The following SRGAP2 variants were observed in gnomAD, a reference collection of about 807,000 sequenced individuals.
The protein encoded by SRGAP2 is SLIT-ROBO Rho GTPase activating protein 2.
In SRGAP2, 15 loss-of-function variants were observed where a neutral mutation model predicts 57.2. The observed-to-expected ratio is 0.26, with a 90% CI of 0.18 to 0.40. The LOEUF (loss-of-function observed/expected upper bound fraction) is 0.40. Among genes scored for constraint, SRGAP2 ranks in the 10% least tolerant of loss-of-function variants. The pLI, the probability that SRGAP2 is intolerant of heterozygous loss-of-function variation, is 1.00. For synonymous variants in SRGAP2, 249 were observed against 248.0 expected, an observed-to-expected ratio of 1.00 and a Z score of -0.04; for missense variants, 520 against 669.6, an observed-to-expected ratio of 0.78 and a Z score of 2.47.
chr1:206,279,540 C>T (rs1210065563), intron 2 of SRGAP2, among the ~76,000 whole-genome samples: 1 of 114,028 alleles, frequency 8.8e-6, no homozygotes, highest in Non-Finnish European at 1.7e-5. Context: ...CTCAGCCTCC[C>T]AAGTAGCTGG....
In SRGAP2 at chr1:206,432,792, C is replaced by G. The variant is rs59780171; in HGVS notation, c.1555+2570C>G. Reference sequence around the variant, plus strand: ...TAGCCTAGGGAACATCAGAGCTTAGCCTAGCCTGCCTTAAATGTGCTCAGA... The same window carrying G: ...TAGCCTAGGGAACATCAGAGCTTAGGCTAGCCTGCCTTAAATGTGCTCAGA... On this transcript the variant is annotated intron_variant, in intron 14 of 22. Transcript: ENST00000573034. Among the ~76,000 whole-genome samples the G allele has an allele frequency of 5.3e-3, 814 of 152,266 alleles. 6 individuals carry two copies. Among genetic ancestry groups the G allele is most frequent in the African/African-American group, 0.018 (759 of 41,534 alleles).
chr1:206,450,138 A>G (rs556886618), intron 18 of SRGAP2, among the ~76,000 whole-genome samples: 1 of 152,342 alleles, frequency 6.6e-6, no homozygotes, highest in South Asian at 2.1e-4. Context: ...TACCTTCAAA[A>G]GGGCTTCCCT....
At chr1:206,453,886 A>C (rs781922225) in intron 20 of SRGAP2, 3 of 446,326 alleles carry the variant, frequency 6.7e-6, no homozygotes, top group Non-Finnish European at 1.2e-5. Flanking sequence ...TAGTTCATTT[A>C]ACCGAGATGA....
intron 2 of SRGAP2, among the ~76,000 whole-genome samples, chr1:206,284,743 C>T (rs1649560405): frequency 6.6e-6 from 1 of 152,044 alleles, no homozygotes; most frequent in South Asian, 2.1e-4. Context: ...GCCACCATGC[C>T]CAGCCAACTT....
intron 4 of SRGAP2, among the ~76,000 whole-genome samples, chr1:206,346,793 A>T (rs1397694384): frequency 6.6e-6 from 1 of 152,246 alleles, no homozygotes; most frequent in Non-Finnish European, 1.5e-5. Context: ...TGCAAAAATT[A>T]TGATAATAGA....
intron 3 of SRGAP2, among the ~76,000 whole-genome samples, chr1:206,305,124 T>G (rs1186702319): frequency 7.0e-5 from 6 of 85,500 alleles, no homozygotes; most frequent in Non-Finnish European, 1.2e-4. Flanking sequence ...ATCTGTACTG[T>G]TAGAAATGCA....
At chr1:206,260,421 T>C (rs1669479461) in intron 2 of SRGAP2, among the ~76,000 whole-genome samples, 1 of 152,192 alleles carries the variant, frequency 6.6e-6, no homozygotes, top group Non-Finnish European at 1.5e-5. Flanking sequence ...CGAGTATTAT[T>C]TCCACTCCTG....
intron 4 of SRGAP2, among the ~76,000 whole-genome samples, chr1:206,365,245 G>A (rs1173471561): frequency 1.4e-5 from 2 of 140,740 alleles, no homozygotes; most frequent in Admixed American, 7.1e-5. Flanking sequence ...TGACCTAGGC[G>A]AGAGGAGAAA....
chr1:206,408,042 AATTT>A (rs1240037963), intron 10 of SRGAP2: 14 of 147,448 alleles, frequency 9.5e-5, no homozygotes, highest in African/African-American at 3.5e-4. Context: ...CATCATCATT[AATTT>A]ATTTATTAAT....
At position 206,397,739 on chromosome 1, in the gene SRGAP2, A is replaced by C. The variant is rs1313815838; in HGVS notation, c.832-3682A>C. ...CCCCCATACTCTTCTGGCTCTCTCA[A>C]CCCAGGAGCAGATGGATGAATGAAG... is the stretch of plus-strand genomic sequence containing the variant. On this transcript the variant is annotated intron_variant, in intron 7 of 22. Transcript: ENST00000573034. 2.8e-5 allele frequency among the ~76,000 whole-genome samples: 4 copies of C among 142,654 alleles called. 1 individual carries two copies. Among genetic ancestry groups the C allele is most frequent in the African/African-American group, 1.2e-4 (4 of 34,428 alleles). 93.6% of individuals were successfully genotyped at this position (142,654 alleles called of 152,430 possible).
At chr1:206,258,259 C>T (rs1488531559) in intron 2 of SRGAP2, among the ~76,000 whole-genome samples, 7 of 152,094 alleles carry the variant, frequency 4.6e-5, no homozygotes, top group South Asian at 2.1e-4. Flanking sequence ...GTTTGTATAT[C>T]GTCCATGGCT....
intron 2 of SRGAP2, among the ~76,000 whole-genome samples, chr1:206,272,654 C>T (rs1670188976): frequency 6.6e-6 from 1 of 152,104 alleles, no homozygotes; most frequent in Non-Finnish European, 1.5e-5. Context: ...TCAGCTCCTC[C>T]ACTCACCTCA....
chr1:206,418,361 G>A (rs1468841169), intron 11 of SRGAP2, among the ~76,000 whole-genome samples: 1 of 152,196 alleles, frequency 6.6e-6, no homozygotes, highest in East Asian at 1.9e-4. Context: ...GAGCTGAACT[G>A]TAAGCAACAA....
intron 5 of SRGAP2, among the ~76,000 whole-genome samples, chr1:206,389,423 C>G (rs1239305199): frequency 6.6e-6 from 1 of 152,100 alleles, no homozygotes; most frequent in Non-Finnish European, 1.5e-5. Context: ...GTGATCCGCC[C>G]GCCTGGGCCT....
At chr1:206,281,385 G>A (rs1347572955) in intron 2 of SRGAP2, among the ~76,000 whole-genome samples, 1 of 128,452 alleles carries the variant, frequency 7.8e-6, no homozygotes, top group African/African-American at 3.7e-5. Context: ...GTGTTATTTT[G>A]TGTCTTTTCC....
At chr1:206,307,247 G>C (rs1672280689) in intron 3 of SRGAP2, among the ~76,000 whole-genome samples, 1 of 152,090 alleles carries the variant, frequency 6.6e-6, no homozygotes, top group African/African-American at 2.4e-5. Context: ...GTCCTCACTA[G>C]AGCAGCTAGA....
At chr1:206,420,050 G>A (rs1553363795) in intron 12 of SRGAP2, among the ~76,000 whole-genome samples, 1 of 152,100 alleles carries the variant, frequency 6.6e-6, no homozygotes, top group Non-Finnish European at 1.5e-5. Context: ...CTGTCGGAGA[G>A]CAAGGTATTC....
chr1:206,396,033 A>G (rs1468094396), intron 7 of SRGAP2, among the ~76,000 whole-genome samples: 1 of 141,466 alleles, frequency 7.1e-6, no homozygotes, highest in Non-Finnish European at 1.5e-5. Context: ...CCCAGGCTGG[A>G]GTACGGTGGT....
At chr1:206,249,041 G>A (rs1668672884) in intron 2 of SRGAP2, among the ~76,000 whole-genome samples, 1 of 152,272 alleles carries the variant, frequency 6.6e-6, no homozygotes, top group Admixed American at 6.5e-5. Flanking sequence ...CTGTCTCACT[G>A]TGTTTCCTAC....
Sources: gnomAD v4.1 joint callset for allele counts (sites outside exome capture counted in the v4.1 genomes callset) on GRCh38, gnomAD v4.1.1 for gene constraint, MANE v1.5 for transcripts, NCBI Gene and HGNC (gene_info 2026-07-23, HGNC 2026-07-21) for gene names.